PPP2R2B: variants seen among roughly 807,000 people sequenced by gnomAD.
PPP2R2B encodes the protein protein phosphatase 2 regulatory subunit Bbeta, also known as serine/threonine-protein phosphatase 2A 55 kDa regulatory subunit B beta isoform.
PPP2R2B carries 5 observed loss-of-function variants against 46.0 expected under a neutral mutation model. That is an observed-to-expected ratio of 0.11 (90% CI 0.06 to 0.23). The LOEUF (loss-of-function observed/expected upper bound fraction) is 0.23. Ranked by LOEUF, PPP2R2B falls within the 10% of genes least tolerant of loss-of-function variation. The pLI, the probability that PPP2R2B is intolerant of heterozygous loss-of-function variation, is 1.00. For missense variants in PPP2R2B, 367 were observed against 575.0 expected, an observed-to-expected ratio of 0.64 and a Z score of 3.70; for synonymous variants, 215 against 206.7, an observed-to-expected ratio of 1.04 and a Z score of -0.34.
chr5:146,620,913 G>T (rs150949994), intron 7 of PPP2R2B, among the ~76,000 whole-genome samples: 18 of 152,324 alleles, frequency 1.2e-4, no homozygotes, highest in African/African-American at 4.3e-4. Context: ...GGTTGCCATG[G>T]CACCGCAGAG....
chr5:146,808,121 A>T (rs192983815), intron 2 of PPP2R2B, among the ~76,000 whole-genome samples: 53 of 150,644 alleles, frequency 3.5e-4, no homozygotes, highest in African/African-American at 1.1e-3. Context: ...AAATATTCTC[A>T]CTCCACCTTT....
chr5:147,045,850 TG>T (rs1318728494), intron 1 of PPP2R2B, among the ~76,000 whole-genome samples: 1 of 152,094 alleles, frequency 6.6e-6, no homozygotes, highest in East Asian at 1.9e-4. Context: ...CTCTGGGGAC[TG>T]GGCCTTGCAA....
intron 2 of PPP2R2B, among the ~76,000 whole-genome samples, chr5:147,080,418 AT>A (rs1208843169): frequency 1.3e-5 from 2 of 152,158 alleles, no homozygotes; most frequent in Admixed American, 1.3e-4. Flanking sequence ...GTTCCTTCCA[AT>A]TGCCTATCAT....
At chr5:146,991,430 G>A (rs945627355) in intron 1 of PPP2R2B, among the ~76,000 whole-genome samples, 8 of 152,092 alleles carry the variant, frequency 5.3e-5, no homozygotes, top group Admixed American at 1.3e-4. Flanking sequence ...GATGGGAGGC[G>A]GGAGAGGAGA....
rs1204763589 is a variant in PPP2R2B, at chr5:146,582,621, A to G, written c.*7326T>C. ...CTCCCAATGGCATGCCGCTCATCTT[A>G]TAAGCTTCCTGTGGGCAAGTGCTGT... On this transcript the variant is annotated 3_prime_UTR_variant, in exon 10 of 10. Coordinates refer to ENST00000394411, the MANE Select transcript of PPP2R2B (RefSeq NM_181675.4). The G allele has an allele frequency of 6.6e-6, 1 of 152,222 alleles. No individual in the cohort carries two copies. The highest frequency in any genetic ancestry group is 1.5e-5 in the Non-Finnish European group (1 of 68,038). 9.4% of individuals were successfully genotyped at this position (152,222 alleles called of 1,614,324 possible).
intron 1 of PPP2R2B, among the ~76,000 whole-genome samples, chr5:147,008,025 G>GA (rs1278092749): frequency 6.6e-6 from 1 of 152,150 alleles, no homozygotes; most frequent in Non-Finnish European, 1.5e-5. Flanking sequence ...AGAAAAGCAA[G>GA]AAAAACCTTT....
At chr5:146,871,026 T>G (rs146994014) in intron 2 of PPP2R2B, among the ~76,000 whole-genome samples, 182 of 152,340 alleles carry the variant, frequency 1.2e-3, no homozygotes, top group African/African-American at 4.2e-3. Context: ...AAGTTCCTAG[T>G]GGACTTATAA....
rs1296717117 is a variant in PPP2R2B, at chr5:146,587,099, T to G, written c.*2848A>C. 1.3e-5 allele frequency: 2 copies of G among 152,138 alleles called. No homozygotes were observed. Among genetic ancestry groups the G allele is most frequent in the Non-Finnish European group, 2.9e-5 (2 of 68,022 alleles). The allele number at this position is 152,138 out of a possible 1,614,324, so 9.4% of individuals were successfully genotyped here. A position where few individuals can be genotyped will look rare whatever the true frequency, so the allele number is the denominator to read the frequency against. Reference sequence around the variant, plus strand: ...ATAGGGCCCTTAGAATCGAACCAACTGTTGCAAGGTAGCAAATCAGCCTTC... The same window carrying G: ...ATAGGGCCCTTAGAATCGAACCAACGGTTGCAAGGTAGCAAATCAGCCTTC... On this transcript the variant is annotated 3_prime_UTR_variant, in exon 10 of 10. Transcript: ENST00000394411.
At chr5:146,979,154 T>A (rs1753048329) in intron 1 of PPP2R2B, among the ~76,000 whole-genome samples, 1 of 152,206 alleles carries the variant, frequency 6.6e-6, no homozygotes, top group Non-Finnish European at 1.5e-5. Flanking sequence ...AGTGCCTTTA[T>A]ACTTGCTGTT....
intron 2 of PPP2R2B, among the ~76,000 whole-genome samples, chr5:146,733,951 A>T (rs1752386610): frequency 1.3e-5 from 2 of 152,156 alleles, no homozygotes; most frequent in Non-Finnish European, 2.9e-5. Context: ...TAGTAATAGT[A>T]GTGGTAGTAA....
At chr5:146,649,542 T>C (rs1308297611) in intron 6 of PPP2R2B, among the ~76,000 whole-genome samples, 1 of 152,050 alleles carries the variant, frequency 6.6e-6, no homozygotes, top group East Asian at 1.9e-4. Flanking sequence ...CCTCCTCAGT[T>C]CAAGCGATTC....
intron 2 of PPP2R2B, among the ~76,000 whole-genome samples, chr5:146,777,163 T>C (rs1482538674): frequency 5.3e-5 from 8 of 152,070 alleles, no homozygotes; most frequent in Non-Finnish European, 8.8e-5. Context: ...CTCAAATAGA[T>C]ACTTATATAC....
chr5:146,887,860 G>A (rs949209139), intron 1 of PPP2R2B, among the ~76,000 whole-genome samples: 2 of 152,194 alleles, frequency 1.3e-5, no homozygotes, highest in African/African-American at 4.8e-5. Flanking sequence ...AGAACCATTA[G>A]TAGTCTTTTA....
At chr5:146,790,960 C>G (rs374609631) in intron 2 of PPP2R2B, among the ~76,000 whole-genome samples, 1 of 152,098 alleles carries the variant, frequency 6.6e-6, no homozygotes, top group Non-Finnish European at 1.5e-5. Flanking sequence ...AAAGTCACAA[C>G]GAATGCTGCA....
At chr5:146,692,455 G>A (rs961179163) in intron 4 of PPP2R2B, among the ~76,000 whole-genome samples, 11 of 151,698 alleles carry the variant, frequency 7.3e-5, no homozygotes, top group Non-Finnish European at 1.6e-4. Context: ...TGCAGGCCAA[G>A]GAAATGAGTA....
At chr5:146,761,499 C>T (rs1463291274) in intron 2 of PPP2R2B, among the ~76,000 whole-genome samples, 1 of 152,106 alleles carries the variant, frequency 6.6e-6, no homozygotes, top group Non-Finnish European at 1.5e-5. Context: ...GAACATCACA[C>T]ACTGGGGACT....
In PPP2R2B at chr5:146,888,414, T is replaced by A. The variant is rs539344196; in HGVS notation, c.79+167251A>T. ...AAATATGTCCAGAATCAACCACTAC[T>A]CACCATCTCCACTGCTGCTACCATG... On this transcript the variant is annotated intron_variant, in intron 1 of 8. Coordinates refer to the PPP2R2B transcript ENST00000336640. Among the ~76,000 whole-genome samples, 4 of 152,190 alleles carry A rather than the reference T, an allele frequency of 2.6e-5. No homozygotes were observed. In the South Asian group the frequency reaches 8.3e-4, roughly 32 times the overall value.
upstream of PPP2R2B, among the ~76,000 whole-genome samples, chr5:146,882,118 A>T (rs1359447954): frequency 6.6e-6 from 1 of 152,058 alleles, no homozygotes; most frequent in Non-Finnish European, 1.5e-5. Flanking sequence ...TCTACTAAAA[A>T]TACAAAAAAT....
chr5:146,849,036 C>CT (rs1029566096), intron 2 of PPP2R2B, among the ~76,000 whole-genome samples: 5 of 151,692 alleles, frequency 3.3e-5, no homozygotes, highest in African/African-American at 7.3e-5. Context: ...GGCTTTTTTC[C>CT]TTTTTTTTCA....
Sources: allele counts gnomAD v4.1 joint callset (sites outside exome capture counted in the v4.1 genomes callset), GRCh38; gene constraint gnomAD v4.1.1; transcripts MANE v1.5; gene names NCBI Gene and HGNC (gene_info 2026-07-23, HGNC 2026-07-21).